WIPF2: variants seen among roughly 807,000 people sequenced by gnomAD.
WIPF2 encodes WAS/WASL interacting protein family member 2, also known as WAS/WASL-interacting protein family member 2.
WIPF2 carries 23 observed loss-of-function variants against 38.8 expected under a neutral mutation model. The observed-to-expected ratio is 0.59, with a 90% CI of 0.43 to 0.84. The LOEUF (loss-of-function observed/expected upper bound fraction) is 0.84, where lower values mean the gene tolerates loss of function less well. Ranked by LOEUF, WIPF2 falls within the 40% of genes least tolerant of loss-of-function variation. The pLI, the probability that WIPF2 is intolerant of heterozygous loss-of-function variation, is 0.00. For synonymous variants in WIPF2, 210 were observed against 223.2 expected (o/e 0.94, Z 0.53); for missense variants, 574 against 580.5 (o/e 0.99, Z 0.11).
At chr17:40,226,465 T>C (rs1290760190) in intron 1 of WIPF2, among the ~76,000 whole-genome samples, 1 of 151,604 alleles carries the variant, frequency 6.6e-6, no homozygotes, top group African/African-American at 2.4e-5. Context: ...TCCGCCCACC[T>C]TGGCCTCCCA....
intron 1 of WIPF2, among the ~76,000 whole-genome samples, chr17:40,236,654 G>A (rs968019563): frequency 6.7e-6 from 1 of 149,902 alleles, no homozygotes; most frequent in African/African-American, 2.5e-5. Context: ...TGTCGCCCAG[G>A]CAGGAGTGCA....
intron 4 of WIPF2, among the ~76,000 whole-genome samples, 164 bp from the exon 5 acceptor site, chr17:40,264,326 C>CAAAAAAAAA (rs772320240): frequency 2.9e-4 from 7 of 23,956 alleles, no homozygotes; most frequent in East Asian, 1.6e-3. Flanking sequence ...AACTTCGTCT[C>CAAAAAAAAA]AAAAAAAAAA....
intron 1 of WIPF2, among the ~76,000 whole-genome samples, chr17:40,222,732 G>A (rs1479381266): frequency 3.2e-5 from 4 of 124,992 alleles, no homozygotes; most frequent in Non-Finnish European, 3.2e-5. Context: ...GTGGAATGGC[G>A]CAGTCTTGGC....
chr17:40,220,743 C>T (rs1476089474), intron 1 of WIPF2, among the ~76,000 whole-genome samples: 2 of 148,042 alleles, frequency 1.4e-5, no homozygotes, highest in African/African-American at 2.5e-5. Flanking sequence ...GCTGGGATTA[C>T]AGGGATGAGC....
At chr17:40,262,395 T>C (rs1183972205) in intron 3 of WIPF2, 130 bp from the exon 4 acceptor site, 2 of 684,450 alleles carry the variant, frequency 2.9e-6, no homozygotes, top group South Asian at 3.8e-5. Context: ...CTTTTTTAAA[T>C]AGAAGGGCAA....
At chr17:40,276,467 G>GCC (rs2032402102) in intron 6 of WIPF2, among the ~76,000 whole-genome samples, 2 of 126,436 alleles carry the variant, frequency 1.6e-5, no homozygotes, top group South Asian at 2.6e-4. Flanking sequence ...GTTGCAGTGA[G>GCC]CCAAGATCAT....
intron 3 of WIPF2, among the ~76,000 whole-genome samples, chr17:40,261,850 C>G (rs1184109751): frequency 1.3e-5 from 2 of 149,896 alleles, no homozygotes; most frequent in African/African-American, 4.9e-5. Context: ...CCGCACCCGG[C>G]TAATTTTTTG....
chr17:40,266,237 CAAAAAAAA>C (rs973061072), intron 5 of WIPF2, among the ~76,000 whole-genome samples: 1 of 62,344 alleles, frequency 1.6e-5, no homozygotes, highest in Non-Finnish European at 3.3e-5. Flanking sequence ...CAGTCCATCT[CAAAAAAAA>C]AAAAAAAAAA....
At chr17:40,274,085 A>G in intron 6 of WIPF2, 86 bp downstream of exon 6, 1 of 1,152,682 alleles carries the variant, frequency 8.7e-7, no homozygotes, top group African/African-American at 1.6e-5. Context: ...GCCACCATAG[A>G]GTGGGAATGG....
At chr17:40,277,573 C>T (rs897719445) in intron 7 of WIPF2, among the ~76,000 whole-genome samples, 19 of 151,686 alleles carry the variant, frequency 1.3e-4, no homozygotes, top group Non-Finnish European at 1.6e-4. Flanking sequence ...CCCAGCTACT[C>T]GGGAGGCTGA....
In WIPF2 at chr17:40,240,944, C is replaced by CAAA. The variant is rs199547902; in HGVS notation, c.-69-15431_-69-15429dup. Among the ~76,000 whole-genome samples, 491 of 87,008 alleles carry CAAA rather than the reference C, an allele frequency of 5.6e-3. 2 individuals are homozygous for CAAA. The highest frequency in any genetic ancestry group is 7.0e-3 in the Non-Finnish European group (293 of 41,624). The allele number at this position is 87,008 out of a possible 152,430, so 57.1% of individuals were successfully genotyped here. ...TGGGCAACAGAATGAGACTCCGTCT[C>CAAA]AAAAAAAAAAAAAAAAAATCCTTTT... is the stretch of plus-strand genomic sequence containing the variant. On this transcript the variant is annotated intron_variant, in intron 1 of 7. Transcript: ENST00000323571.
chr17:40,226,285 C>T (rs1411950829), intron 1 of WIPF2, among the ~76,000 whole-genome samples: 3 of 151,428 alleles, frequency 2.0e-5, no homozygotes, highest in Admixed American at 1.3e-4. Context: ...CTCACTGCAA[C>T]CTCCACCTCC....
chr17:40,220,533 C>T (rs984237186), intron 1 of WIPF2: 19 of 136,796 alleles, frequency 1.4e-4, no homozygotes, highest in Non-Finnish European at 3.0e-4. Flanking sequence ...ATAGCTGGGA[C>T]CACAGGTGTG....
At chr17:40,220,611 A>ATATG (rs2030178691) in intron 1 of WIPF2, 1 of 84,630 alleles carries the variant, frequency 1.2e-5, no homozygotes, top group Non-Finnish European at 2.3e-5. Flanking sequence ...ATATATATAT[A>ATATG]TATATATGTA....
intron 1 of WIPF2, chr17:40,220,613 A>ATATG (rs1567705898): frequency 9.8e-4 from 80 of 81,834 alleles, no homozygotes; most frequent in Non-Finnish European, 1.2e-3. Flanking sequence ...ATATATATAT[A>ATATG]TATATGTATA....
At chr17:40,221,281 T>C (rs1204628414) in intron 1 of WIPF2, among the ~76,000 whole-genome samples, 1 of 152,180 alleles carries the variant, frequency 6.6e-6, no homozygotes, top group African/African-American at 2.4e-5. Flanking sequence ...AGCCTACCTA[T>C]GGATTTAGTA....
intron 2 of WIPF2, among the ~76,000 whole-genome samples, chr17:40,260,324 A>G (rs947948811): frequency 1.3e-5 from 2 of 150,798 alleles, no homozygotes; most frequent in African/African-American, 4.9e-5. Context: ...AGTAGCTGGG[A>G]TACAGCATGT....
At chr17:40,237,241 C>CT (rs533124301) in intron 1 of WIPF2, among the ~76,000 whole-genome samples, 20,989 of 129,410 alleles carry the variant, frequency 0.16, 2,020 homozygotes, top group East Asian at 0.27. Flanking sequence ...TCAATTTTTC[C>CT]TTTTTTTTTT....
intron 1 of WIPF2, among the ~76,000 whole-genome samples, chr17:40,229,244 T>C (rs1254226041): frequency 6.7e-6 from 1 of 149,472 alleles, no homozygotes; most frequent in East Asian, 2.0e-4. Flanking sequence ...CCCGAGTAGC[T>C]AGGATTACAG....
Sources: gnomAD v4.1 joint callset for allele counts (sites outside exome capture counted in the v4.1 genomes callset) on GRCh38, gnomAD v4.1.1 for gene constraint, MANE v1.5 for transcripts, NCBI Gene and HGNC (gene_info 2026-07-23, HGNC 2026-07-21) for gene names.